The following LY9 variants were observed in gnomAD, a reference collection of about 807,000 sequenced individuals.
LY9 encodes T-lymphocyte surface antigen Ly-9.
A neutral mutation model predicts 64.6 loss-of-function variants in LY9; 59 were observed. That is an observed-to-expected ratio of 0.91 (90% CI 0.74 to 1.13). The LOEUF (loss-of-function observed/expected upper bound fraction) is 1.13. LY9 is among the 50% of genes most tolerant of loss of function. LY9 has a pLI of 0.00. For synonymous variants in LY9, 281 were observed against 308.5 expected, an observed-to-expected ratio of 0.91 and a Z score of 0.93; for missense variants, 789 against 797.2, an observed-to-expected ratio of 0.99 and a Z score of 0.12.
At chr1:160,813,948 G>A in intron 3 of LY9, 37 bp downstream of exon 3, 1 of 1,592,530 alleles carries the variant, frequency 6.3e-7, no homozygotes, top group South Asian at 1.1e-5. Context: ...GGGAATTCCA[G>A]AAACAATATG....
At chr1:160,826,501 G>T (rs1030874541) in intron 9 of LY9, among the ~76,000 whole-genome samples, 4 of 152,230 alleles carry the variant, frequency 2.6e-5, no homozygotes. Context: ...ACCAGGGTCT[G>T]ATTTTTCACT....
At chr1:160,815,759 T>C (rs1252049707) in intron 4 of LY9, among the ~76,000 whole-genome samples, 1 of 152,218 alleles carries the variant, frequency 6.6e-6, no homozygotes, top group Non-Finnish European at 1.5e-5. Context: ...CAGAGAAGAC[T>C]GAGGAGAAGC....
chr1:160,824,872 T>G (rs1668766969), intron 9 of LY9, among the ~76,000 whole-genome samples: 1 of 150,636 alleles, frequency 6.6e-6, no homozygotes, highest in Non-Finnish European at 1.5e-5. Flanking sequence ...TTCCAACTAC[T>G]CAGAGACTGA....
intron 4 of LY9, 78 bp from the exon 5 acceptor site, chr1:160,816,508 CATGAATAT>C (rs1557809490): frequency 7.0e-7 from 1 of 1,434,580 alleles, no homozygotes; most frequent in East Asian, 2.5e-5. Flanking sequence ...CACTCAGCTT[CATGAATAT>C]ATTTTCAATG....
At position 160,814,603 on chromosome 1, in the gene LY9, C is replaced by G. The variant is rs1441672108; in HGVS notation, c.914C>G (p.Ser305Cys). 1.2e-6 allele frequency: 2 copies of G among 1,614,042 alleles called. No individual in the cohort carries two copies. ...EAATADPLIK[S>C]RDPYKNRVWV... is the part of the protein sequence containing the mutation. ...GCAACGGCAGATCCACTCATTAAAT[C>G]CAGGGATCCTTACAAGAACAGGGTG... Residue 305 changes from serine to cysteine, a missense_variant, in exon 4 of 10, where the codon TCC (serine) becomes TGC (cysteine). By Grantham distance (112) the Ser-to-Cys change is moderately radical. Coordinates refer to ENST00000263285, the MANE Select transcript of LY9 (RefSeq NM_002348.4).
In LY9 at chr1:160,827,946, T is replaced by A; in HGVS notation, c.*130T>A. On this transcript the variant is annotated 3_prime_UTR_variant, in exon 10 of 10. Transcript: ENST00000263285. ...TCAGTGCCTCAGAGATGCCTGGATG[T>A]GGCCCCTCCCCCTCCTTCTCACCCT... 1.5e-6 allele frequency: 1 copy of A among 678,482 alleles called. No homozygotes were observed. Among genetic ancestry groups the A allele is most frequent in the Non-Finnish European group, 2.5e-6 (1 of 393,112 alleles). 42.0% of individuals were successfully genotyped at this position (678,482 alleles called of 1,614,324 possible).
intron 2 of LY9, among the ~76,000 whole-genome samples, chr1:160,808,130 A>G (rs1010869801): frequency 6.6e-5 from 10 of 152,206 alleles, no homozygotes; most frequent in Admixed American, 3.9e-4. Context: ...CACTAGCTGC[A>G]GGAGCTTTTG....
rs768884657 is a variant in LY9 at position 160,819,363 on chromosome 1, C to T, written c.1487C>T (p.Ala496Val). The T allele has an allele frequency of 5.3e-5, 86 of 1,613,040 alleles. No individual in the cohort carries two copies. The highest frequency in any genetic ancestry group is 6.7e-5 in the Admixed American group (4 of 59,972). Residue 496 changes from alanine to valine, a missense_variant, in exon 7 of 10, where the codon GCG becomes GTG. Coordinates refer to ENST00000263285, the MANE Select transcript of LY9 (RefSeq NM_002348.4). ...AFCSSQAEAPADTPEPTAGHT... is the reference protein window; with the variant it reads ...AFCSSQAEAPVDTPEPTAGHT... ...TGTTCCAGCCAAGCTGAGGCCCCAG[C>T]GGATACACCAGGTAACATCACCCAT...
chr1:160,813,800 C>T lies in LY9; in HGVS notation c.619C>T (p.Leu207Phe). 6.2e-7 allele frequency: 1 copy of T among 1,614,204 alleles called. No homozygotes were observed. Among genetic ancestry groups the T allele is most frequent in the Non-Finnish European group, 8.5e-7 (1 of 1,180,040 alleles). ...TTCTGAGTCCAATGGAGGCTCCATT[C>T]TTACCGTCTCCCGAACACCATGTGA... is the stretch of plus-strand genomic sequence containing the variant. ...HASESNGGSI[L>F]TVSRTPCDPD... Residue 207 changes from leucine (L) to phenylalanine (F), a missense_variant, in exon 3 of 10, where the codon CTT (leucine) becomes TTT (phenylalanine). Coordinates refer to ENST00000263285, the MANE Select transcript of LY9 (RefSeq NM_002348.4).
In LY9 at chr1:160,823,797, G is replaced by A; in HGVS notation, c.1830+1G>A. On this transcript the variant is annotated splice_donor_variant, in intron 8 of 9. Transcript: ENST00000263285. LOFTEE classifies it high-confidence loss of function. Reference sequence around the variant, plus strand: ...GTATGCACAAGTGTTCAACTTACAGGTGAGCCCTTCTGATCAATACACCTT... The same window carrying A: ...GTATGCACAAGTGTTCAACTTACAGATGAGCCCTTCTGATCAATACACCTT... 1 of 1,606,584 alleles carries A rather than the reference G, an allele frequency of 6.2e-7. No individual in the cohort carries two copies. Among genetic ancestry groups the A allele is most frequent in the Non-Finnish European group, 8.5e-7 (1 of 1,173,776 alleles).
intron 8 of LY9, 125 bp downstream of exon 8, chr1:160,823,921 A>T (rs1436914130): frequency 1.2e-6 from 1 of 817,552 alleles, no homozygotes; most frequent in Admixed American, 2.4e-5. Context: ...GCATACGGGC[A>T]GGGACTCATG....
At chr1:160,818,825 C>T (rs1352759141) in intron 6 of LY9, among the ~76,000 whole-genome samples, 1 of 152,118 alleles carries the variant, frequency 6.6e-6, no homozygotes, top group African/African-American at 2.4e-5. Context: ...AATGTGCTTC[C>T]CTCTAACTCC....
chr1:160,798,882 G>A (rs958690044), intron 1 of LY9: 8 of 152,124 alleles, frequency 5.3e-5, no homozygotes, highest in African/African-American at 1.7e-4. Flanking sequence ...AATTTCAAAA[G>A]TGCTCTCCAG....
intron 2 of LY9, among the ~76,000 whole-genome samples, chr1:160,808,279 C>A (rs1330723368): frequency 6.6e-6 from 1 of 152,200 alleles, no homozygotes; most frequent in East Asian, 1.9e-4. Flanking sequence ...GCAGAGTGCT[C>A]CCAATCCATA....
rs547332425 is a variant in LY9, at chr1:160,814,157, G to T, written c.730+246G>T. 1.2e-4 allele frequency among the ~76,000 whole-genome samples: 18 copies of T among 152,340 alleles called. No individual in the cohort carries two copies. In the South Asian group the frequency reaches 3.5e-3, roughly 30 times the overall value. On this transcript the variant is annotated intron_variant, in intron 3 of 9. Transcript: ENST00000263285. ...AAGACAATATGGATACAGGAGTCCA[G>T]ATTGGTCTTTGCTTGGGTGGAGGTG...
intron 2 of LY9, among the ~76,000 whole-genome samples, chr1:160,804,746 T>C (rs1666817433): frequency 6.6e-6 from 1 of 152,244 alleles, no homozygotes; most frequent in Non-Finnish European, 1.5e-5. Context: ...GACTTTTTTA[T>C]TACAGATTAA....
At chr1:160,820,430 T>A (rs1668323958) in intron 7 of LY9, among the ~76,000 whole-genome samples, 3 of 151,888 alleles carry the variant, frequency 2.0e-5, no homozygotes, top group Admixed American at 2.0e-4. Flanking sequence ...AATAAATAAA[T>A]AAAAAATAAA....
In LY9 at chr1:160,799,862, C is replaced by T. The variant is rs142988998; in HGVS notation, c.234C>T (p.Val78=). Residue 78 remains valine, a synonymous_variant, in exon 2 of 10, where the codon GTC becomes GTT. Transcript: ENST00000263285. ...NISVDTEIEN[V]IWIGPKNALA... is the part of the protein sequence containing the mutation. ...CAGTAGACACAGAGATTGAGAACGT[C>T]ATCTGGATTGGTCCCAAAAATGCTC... is the stretch of plus-strand genomic sequence containing the variant. The T allele has an allele frequency of 1.8e-5, 29 of 1,614,104 alleles. No homozygotes were observed. The Middle Eastern group carries it at 1.6e-3, about 92-fold the overall frequency.
At position 160,796,239 on chromosome 1, in the gene LY9, A is replaced by G; in HGVS notation, c.52A>G (p.Ser18Gly). The change falls in exon 1 of 10, where the codon AGT becomes GGT. Residue 18 changes from serine to glycine, a missense_variant. Physicochemically the swap from Ser to Gly is moderately conservative, Grantham distance 56. Coordinates refer to ENST00000263285, the MANE Select transcript of LY9 (RefSeq NM_002348.4). Reference protein sequence around the residue: ...TDDWAPGPFSSKPQRSQLQIF... With the variant: ...TDDWAPGPFSGKPQRSQLQIF... ...TGACTGGGCTCCTGGGCCTTTCTCC[A>G]GTAAGCCACAGAGGAGTCAGCTGCA... 3 of 1,614,012 alleles carry G rather than the reference A, an allele frequency of 1.9e-6. No individual in the cohort carries two copies. Among genetic ancestry groups the G allele is most frequent in the East Asian group, 2.2e-5 (1 of 44,898 alleles).
Sources: gnomAD v4.1 joint callset for allele counts (sites outside exome capture counted in the v4.1 genomes callset) on GRCh38, gnomAD v4.1.1 for gene constraint, MANE v1.5 for transcripts, NCBI Gene and HGNC (gene_info 2026-07-23, HGNC 2026-07-21) for gene names.